The following EFCAB7 variants were observed in gnomAD, a reference collection of about 807,000 sequenced individuals.
EFCAB7 encodes the protein EF-hand calcium-binding domain-containing protein 7.
In EFCAB7, 66 loss-of-function variants were observed where a neutral mutation model predicts 77.1. That is an observed-to-expected ratio of 0.86 (90% CI 0.70 to 1.05). EFCAB7 has a LOEUF of 1.05. Among genes scored for constraint, EFCAB7 ranks in the 50% least tolerant of loss-of-function variants. The probability of loss-of-function intolerance (pLI) is 0.00; values close to 1 mark genes in which losing one functional copy is unlikely to be tolerated. For synonymous variants in EFCAB7, 225 were observed against 243.3 expected (o/e 0.92, Z 0.70); for missense variants, 638 against 730.5 (o/e 0.87, Z 1.46).
At chr1:63,562,622 C>A (rs1190715514) in intron 11 of EFCAB7, among the ~76,000 whole-genome samples, 2 of 149,476 alleles carry the variant, frequency 1.3e-5, no homozygotes, top group Non-Finnish European at 3.0e-5. Flanking sequence ...GCCTCAGCCT[C>A]CTGAGTAGCT....
chr1:63,568,293 T>C lies in EFCAB7; in HGVS notation c.1498-17T>C, dbSNP rs764694859. ...ATTCTATCAAAAGGCTGAAACAAGATTTTTTTTTCCTATCAGGCATGTCCA... is the reference window on the plus strand; with the variant it reads ...ATTCTATCAAAAGGCTGAAACAAGACTTTTTTTTCCTATCAGGCATGTCCA... On this transcript the variant is annotated splice_polypyrimidine_tract_variant and intron_variant, in intron 11 of 13. Coordinates refer to ENST00000371088, the MANE Select transcript of EFCAB7 (RefSeq NM_032437.4). The C allele has an allele frequency of 1.1e-5, 17 of 1,538,306 alleles. No homozygotes were observed. In the East Asian group the frequency reaches 4.0e-4, roughly 36 times the overall value.
At chr1:63,540,317 T>G (rs1646812833) in intron 6 of EFCAB7, among the ~76,000 whole-genome samples, 1 of 134,400 alleles carries the variant, frequency 7.4e-6, no homozygotes, top group Admixed American at 8.9e-5. Context: ...TGGGCCGAGA[T>G]GGCGCCACTG....
chr1:63,558,997 A>G (rs1647061837), intron 10 of EFCAB7, among the ~76,000 whole-genome samples: 2 of 151,744 alleles, frequency 1.3e-5, no homozygotes, highest in Admixed American at 1.3e-4. Flanking sequence ...AGCCTGGACA[A>G]CAGAGCAAAT....
At chr1:63,542,861 C>G (rs953519442) in intron 6 of EFCAB7, among the ~76,000 whole-genome samples, 1 of 151,954 alleles carries the variant, frequency 6.6e-6, no homozygotes, top group Non-Finnish European at 1.5e-5. Flanking sequence ...TATATTAATC[C>G]CTTTTTGGAT....
chr1:63,562,449 T>TATATATATA (rs1647115778), intron 11 of EFCAB7, among the ~76,000 whole-genome samples: 5 of 22,478 alleles, frequency 2.2e-4, no homozygotes, highest in African/African-American at 3.7e-4. Context: ...CTTAATTTAT[T>TATATATATA]TATATATATA....
intron 10 of EFCAB7, among the ~76,000 whole-genome samples, chr1:63,559,301 CAAAAAAAA>C (rs71052490): frequency 1.6e-5 from 1 of 62,236 alleles, no homozygotes; most frequent in Non-Finnish European, 2.9e-5. Context: ...GACTCTGTCT[CAAAAAAAA>C]AAAAAAAAAA....
Position 63,546,025 on chromosome 1 carries a change from C to A in EFCAB7, c.914C>A (p.Thr305Lys), listed in dbSNP as rs1646894459. The change falls in exon 7 of 14, where the codon ACA becomes AAA. Residue 305 changes from threonine (T) to lysine (K), a missense_variant. Coordinates refer to ENST00000371088, the MANE Select transcript of EFCAB7 (RefSeq NM_032437.4). ...QIAQRSMVYLTIKPLNLSQVE... is the reference protein window; with the variant it reads ...QIAQRSMVYLKIKPLNLSQVE... Reference sequence around the variant, plus strand: ...GCTCAGAGGTCCATGGTTTATCTAACAATTAAGCCATTAAACCTGAGTCAA... The same window carrying A: ...GCTCAGAGGTCCATGGTTTATCTAAAAATTAAGCCATTAAACCTGAGTCAA... 6.2e-7 allele frequency: 1 copy of A among 1,612,894 alleles called. No homozygotes were observed.
chr1:63,550,927 A>C (rs1159235842), intron 7 of EFCAB7: 1 of 152,248 alleles, frequency 6.6e-6, no homozygotes, highest in East Asian at 1.9e-4. Flanking sequence ...AGCGTTTTAA[A>C]AAAAGACTAG....
chr1:63,531,743 T>G (rs1646698948), intron 2 of EFCAB7, 77 bp from the exon 3 acceptor site: 6 of 1,208,066 alleles, frequency 5.0e-6, no homozygotes, highest in African/African-American at 1.5e-5. Flanking sequence ...TAATACATAA[T>G]GATTTGAAGA....
chr1:63,558,885 G>A (rs1247170012), intron 10 of EFCAB7, among the ~76,000 whole-genome samples: 1 of 151,684 alleles, frequency 6.6e-6, no homozygotes, highest in Non-Finnish European at 1.5e-5. Context: ...GCAATTTTAG[G>A]TTTACAGAAA....
At chr1:63,530,610 G>A (rs77984490) in intron 2 of EFCAB7, among the ~76,000 whole-genome samples, 2,964 of 152,188 alleles carry the variant, frequency 0.019, 90 homozygotes, top group African/African-American at 0.068. Context: ...TTCATAGATA[G>A]AAGGATATGG....
rs1169829383 is a variant in EFCAB7 at position 63,533,578 on chromosome 1, A to AC, written c.614dup (p.Ser206IlefsTer9). The AC allele has an allele frequency of 1.9e-6, 3 of 1,610,472 alleles. No individual in the cohort carries two copies. The highest frequency in any genetic ancestry group is 2.5e-6 in the Non-Finnish European group (3 of 1,179,018). On this transcript the variant is annotated frameshift_variant, in exon 5 of 14. Transcript: ENST00000371088. LOFTEE classifies it high-confidence loss of function. ...CACATCGAAGGGTCCCCTGAAAGGG[A>AC]CCCATCACCAGTACCAAAACCATCA...
chr1:63,557,333 TG>T, intron 10 of EFCAB7, 86 bp downstream of exon 10: 2 of 1,249,558 alleles, frequency 1.6e-6, no homozygotes, highest in Non-Finnish European at 2.2e-6. Flanking sequence ...GTCAAACTTC[TG>T]CATGAAATAT....
At chr1:63,549,632 A>G in intron 7 of EFCAB7, 1 of 386,296 alleles carries the variant, frequency 2.6e-6, no homozygotes, top group Non-Finnish European at 5.1e-6. Flanking sequence ...TATCGCTTGC[A>G]TATCTGGGAG....
chr1:63,560,418 C>T (rs559905101), intron 10 of EFCAB7, among the ~76,000 whole-genome samples: 13 of 151,292 alleles, frequency 8.6e-5, no homozygotes, highest in Admixed American at 2.6e-4. Context: ...GCTCTAACCT[C>T]GATTTTTGTG....
intron 5 of EFCAB7, 59 bp downstream of exon 5, chr1:63,533,708 A>C: frequency 1.5e-6 from 2 of 1,316,310 alleles, no homozygotes; most frequent in Non-Finnish European, 2.1e-6. Context: ...TATTCAGATA[A>C]ATTTTTCCTT....
At chr1:63,534,739 C>G (rs3861944) in intron 6 of EFCAB7, among the ~76,000 whole-genome samples, 1 of 151,894 alleles carries the variant, frequency 6.6e-6, no homozygotes, top group Admixed American at 6.6e-5. Context: ...AAAATGTGCA[C>G]CTAGAGACCT....
At chr1:63,570,009 A>G (rs1049922884) in intron 12 of EFCAB7, 6 of 152,220 alleles carry the variant, frequency 3.9e-5, no homozygotes, top group African/African-American at 1.4e-4. Flanking sequence ...CCAAAATGTG[A>G]TAATAATGTG....
At chr1:63,530,558 A>G (rs146688274) in intron 2 of EFCAB7, among the ~76,000 whole-genome samples, 103 of 152,320 alleles carry the variant, frequency 6.8e-4, no homozygotes, top group Admixed American at 2.5e-3. Context: ...GATATGACAT[A>G]CATAAATATA....
Sources: allele counts gnomAD v4.1 joint callset (sites outside exome capture counted in the v4.1 genomes callset), GRCh38; gene constraint gnomAD v4.1.1; transcripts MANE v1.5; gene names NCBI Gene and HGNC (gene_info 2026-07-23, HGNC 2026-07-21).